Variants in GDF11 observed in about 807,000 individuals in gnomAD.
GDF11 encodes growth differentiation factor 11.
In GDF11, 12 loss-of-function variants were observed where a neutral mutation model predicts 34.4. The ratio of observed to expected loss-of-function variants is 0.35; its 90% CI spans 0.22 to 0.57. The LOEUF (loss-of-function observed/expected upper bound fraction) is 0.57. GDF11 is among the 20% of genes least tolerant of loss of function. The pLI is 0.86. For synonymous variants in GDF11, 212 were observed against 231.1 expected, an observed-to-expected ratio of 0.92 and a Z score of 0.75; for missense variants, 346 against 548.2, an observed-to-expected ratio of 0.63 and a Z score of 3.68.
rs1592547730 is a variant in GDF11, at chr12:55,752,512, G to C, written c.*2630G>C. The C allele has an allele frequency of 6.6e-6, 1 of 152,282 alleles. No homozygotes were observed. Among genetic ancestry groups the C allele is most frequent in the East Asian group, 1.9e-4 (1 of 5,188 alleles). 9.4% of individuals were successfully genotyped at this position (152,282 alleles called of 1,614,324 possible). On this transcript the variant is annotated 3_prime_UTR_variant, in exon 3 of 3. Coordinates refer to ENST00000257868, the MANE Select transcript of GDF11 (RefSeq NM_005811.5). ...GGGGCACAGCTCAGCAACCCAGTGG[G>C]AGTTAGCACCCCCTCCCACCTTATG...
rs77827308 is a variant in GDF11 at position 55,749,720 on chromosome 12, G to C, written c.1062G>C (p.Pro354=). The change falls in exon 3 of 3, where the codon CCG becomes CCC. Residue 354 remains proline, a synonymous_variant. Transcript: ENST00000257868. The surrounding 1 kb of genome is among the most constrained non-coding windows in gnomAD (Gnocchi z 5.6). ...QCEYMFMQKY[P]HTHLVQQANP... is the part of the protein sequence containing the mutation. ...AGTACATGTTCATGCAAAAATATCC[G>C]CATACCCATTTGGTGCAGCAGGCCA... The C allele has an allele frequency of 6.7e-5, 108 of 1,614,020 alleles. No individual in the cohort carries two copies. In the African/African-American group the frequency reaches 1.3e-3, roughly 20 times the overall value.
intron 1 of GDF11, among the ~76,000 whole-genome samples, chr12:55,747,790 A>G (rs1878215766): frequency 6.6e-6 from 1 of 152,210 alleles, no homozygotes; most frequent in Non-Finnish European, 1.5e-5. Flanking sequence ...AGGGGAGAAA[A>G]AAGGCATTGT....
Position 55,756,692 on chromosome 12 carries a change from C to G in GDF11, c.*6810C>G, listed in dbSNP as rs1057443729. The G allele has an allele frequency of 4.6e-5, 7 of 152,216 alleles. No homozygotes were observed. Among genetic ancestry groups the G allele is most frequent in the African/African-American group, 1.7e-4 (7 of 41,462 alleles). 9.4% of individuals were successfully genotyped at this position (152,216 alleles called of 1,614,324 possible). A position where few individuals can be genotyped will look rare whatever the true frequency, so the allele number is the denominator to read the frequency against. ...CATGAACTTGAAGCCTCCAGTTCCACTGCTTATGTTCCCAATGATTTAGCT... is the reference window on the plus strand; with the variant it reads ...CATGAACTTGAAGCCTCCAGTTCCAGTGCTTATGTTCCCAATGATTTAGCT... On this transcript the variant is annotated 3_prime_UTR_variant, in exon 3 of 3. Coordinates refer to ENST00000257868, the MANE Select transcript of GDF11 (RefSeq NM_005811.5).
In GDF11 at chr12:55,749,845, TC is replaced by T; in HGVS notation, c.1190del (p.Pro397LeufsTer86). 1 of 1,613,900 alleles carries T rather than the reference TC, an allele frequency of 6.2e-7. No individual in the cohort carries two copies. The highest frequency in any genetic ancestry group is 8.5e-7 in the Non-Finnish European group (1 of 1,179,962). On this transcript the variant is annotated frameshift_variant, in exon 3 of 3. Coordinates refer to ENST00000257868, the MANE Select transcript of GDF11 (RefSeq NM_005811.5). LOFTEE classifies it high-confidence loss of function. This position sits in a 1 kb window ranked among gnomAD's most constrained non-coding sequence, Gnocchi z 5.6. The stretch of plus-strand genomic sequence containing the variant: ...AAGCAGCAGATTATCTACGGCAAGA[TC>T]CCTGGCATGGTGGTGGATCGCTGTG... ...NDKQQIIYGK[I>X]PGMVVDRCGC...
rs747782536 is a variant in GDF11 at position 55,749,904 on chromosome 12, C to T, written c.*22C>T. 6.3e-7 allele frequency: 1 copy of T among 1,582,834 alleles called. No homozygotes were observed. The highest frequency in any genetic ancestry group is 8.6e-7 in the Non-Finnish European group (1 of 1,160,796). On this transcript the variant is annotated 3_prime_UTR_variant, in exon 3 of 3. Transcript: ENST00000257868. This position sits in a 1 kb window ranked among gnomAD's most constrained non-coding sequence, Gnocchi z 5.6. ...TTAAGGTGGGGGATAGAGGATGCCTCCCCCACAGACCCTACCCCAAGACCC... is the reference window on the plus strand; with the variant it reads ...TTAAGGTGGGGGATAGAGGATGCCTTCCCCACAGACCCTACCCCAAGACCC...
rs1290129406 is a variant in GDF11 at position 55,753,249 on chromosome 12, C to CTA, written c.*3369_*3370dup. 1 of 152,206 alleles carries CTA rather than the reference C, an allele frequency of 6.6e-6. No homozygotes were observed. Among genetic ancestry groups the CTA allele is most frequent in the East Asian group, 1.9e-4 (1 of 5,200 alleles). The allele number at this position is 152,206 out of a possible 1,614,324, so 9.4% of individuals were successfully genotyped here. A position where few individuals can be genotyped will look rare whatever the true frequency, so the allele number is the denominator to read the frequency against. ...CTCTTGAGATGATCCAGCTAGTGTC[C>CTA]TATTCTCCTGCAGTCCCTGTTCCTA... On this transcript the variant is annotated 3_prime_UTR_variant, in exon 3 of 3. Transcript: ENST00000257868.
Position 55,749,581 on chromosome 12 carries a change from C to T in GDF11, c.923C>T (p.Ser308Leu). 1.2e-6 allele frequency: 2 copies of T among 1,614,144 alleles called. No individual in the cohort carries two copies. The highest frequency in any genetic ancestry group is 1.7e-6 in the Non-Finnish European group (2 of 1,180,014). ...RNLGLDCDEH[S>L]SESRCCRYPL... ...CTGGGTCTGGACTGCGACGAGCACT[C>T]AAGCGAGTCCCGCTGCTGCCGATAT... Residue 308 changes from serine to leucine, a missense_variant, in exon 3 of 3, where the codon TCA (serine) becomes TTA (leucine). Physicochemically the swap from Ser to Leu is moderately radical, Grantham distance 145. Around this residue, in one of 3 missense-constraint regions of GDF11, gnomAD observed 205 missense variants for 311.3 expected, o/e 0.66. Coordinates refer to ENST00000257868, the MANE Select transcript of GDF11 (RefSeq NM_005811.5). The surrounding 1 kb of genome is among the most constrained non-coding windows in gnomAD (Gnocchi z 5.6).
chr12:55,748,626 C>A lies in GDF11; in HGVS notation c.486C>A (p.Cys162Ter). 1 of 1,614,048 alleles carries A rather than the reference C, an allele frequency of 6.2e-7. No individual in the cohort carries two copies. Among genetic ancestry groups the A allele is most frequent in the Non-Finnish European group, 8.5e-7 (1 of 1,179,928 alleles). The change falls in exon 2 of 3, where the codon TGC becomes TGA. Residue 162 changes from cysteine (C) to a stop codon, truncating the protein, a stop_gained. Coordinates refer to ENST00000257868, the MANE Select transcript of GDF11 (RefSeq NM_005811.5). LOFTEE classifies it high-confidence loss of function. This position sits in a 1 kb window ranked among gnomAD's most constrained non-coding sequence, Gnocchi z 5.6. Reference protein sequence around the residue: ...AVQTDGSPLCCHFHFSPKVMF... With the variant: ...AVQTDGSPLC Reference sequence around the variant, plus strand: ...AGACAGATGGCAGCCCTCTCTGCTGCCATTTTCACTTCAGCCCCAAGGTGA... The same window carrying A: ...AGACAGATGGCAGCCCTCTCTGCTGACATTTTCACTTCAGCCCCAAGGTGA...
Position 55,749,542 on chromosome 12 carries a change from G to A in GDF11, c.884G>A (p.Arg295His). 6.2e-7 allele frequency: 1 copy of A among 1,613,348 alleles called. No individual in the cohort carries two copies. The highest frequency in any genetic ancestry group is 8.5e-7 in the Non-Finnish European group (1 of 1,179,474). Residue 295 changes from arginine to histidine, a missense_variant, in exon 3 of 3, where the codon CGT becomes CAT. This residue lies in a region of GDF11 where 205 missense variants were observed against 311.3 expected (regional missense o/e 0.66). Coordinates refer to ENST00000257868, the MANE Select transcript of GDF11 (RefSeq NM_005811.5). This position sits in a 1 kb window ranked among gnomAD's most constrained non-coding sequence, Gnocchi z 5.6. The stretch of plus-strand genomic sequence containing the variant: ...CTTCGAGTCCTAGAGAACACAAAAC[G>A]TTCCCGGCGGAACCTGGGTCTGGAC... ...MELRVLENTK[R>H]SRRNLGLDCD...
chr12:55,756,246 T>G lies in GDF11; in HGVS notation c.*6364T>G, dbSNP rs1313000625. On this transcript the variant is annotated 3_prime_UTR_variant, in exon 3 of 3. Coordinates refer to ENST00000257868, the MANE Select transcript of GDF11 (RefSeq NM_005811.5). The stretch of plus-strand genomic sequence containing the variant: ...GAGGTGTCAAAAATTTAACCAGCAT[T>G]CCCTTTTGTTCACTTCTCCAAAGTC... The G allele has an allele frequency of 6.6e-6, 1 of 152,188 alleles. No individual in the cohort carries two copies. The highest frequency in any genetic ancestry group is 2.4e-5 in the African/African-American group (1 of 41,452). 9.4% of individuals were successfully genotyped at this position (152,188 alleles called of 1,614,324 possible).
chr12:55,747,567 C>T (rs962019922), intron 1 of GDF11, among the ~76,000 whole-genome samples: 2 of 152,076 alleles, frequency 1.3e-5, no homozygotes, highest in Admixed American at 1.3e-4. Context: ...CCAATGGAGA[C>T]ATGTTGTAGG....
rs1465594710 is a variant in GDF11 at position 55,756,844 on chromosome 12, A to G, written c.*6962A>G. 1 of 152,216 alleles carries G rather than the reference A, an allele frequency of 6.6e-6. No individual in the cohort carries two copies. The highest frequency in any genetic ancestry group is 2.4e-5 in the African/African-American group (1 of 41,450). 9.4% of individuals were successfully genotyped at this position (152,216 alleles called of 1,614,324 possible). A position where few individuals can be genotyped will look rare whatever the true frequency, so the allele number is the denominator to read the frequency against. ...TGACTGACCAACATAGTATCGTATC[A>G]CATCACCCTTGAAATCAGGGCCCTT... On this transcript the variant is annotated 3_prime_UTR_variant, in exon 3 of 3. Transcript: ENST00000257868.
In GDF11 at chr12:55,749,624, T is replaced by A; in HGVS notation, c.966T>A (p.Phe322Leu). 2 of 1,613,944 alleles carry A rather than the reference T, an allele frequency of 1.2e-6. No homozygotes were observed. Among genetic ancestry groups the A allele is most frequent in the Non-Finnish European group, 1.7e-6 (2 of 1,179,852 alleles). The part of the protein sequence containing the change: ...RCCRYPLTVD[F>L]EAFGWDWIIA... Reference sequence around the variant, plus strand: ...GCCGATATCCCCTCACAGTGGACTTTGAGGCTTTCGGCTGGGACTGGATCA... The same window carrying A: ...GCCGATATCCCCTCACAGTGGACTTAGAGGCTTTCGGCTGGGACTGGATCA... Residue 322 changes from phenylalanine (F) to leucine (L), a missense_variant, in exon 3 of 3, where the codon TTT (phenylalanine) becomes TTA (leucine). Phe to Leu is a conservative substitution (Grantham distance 22, BLOSUM62 0). Coordinates refer to ENST00000257868, the MANE Select transcript of GDF11 (RefSeq NM_005811.5). This position sits in a 1 kb window ranked among gnomAD's most constrained non-coding sequence, Gnocchi z 5.6.
chr12:55,749,901 C>G lies in GDF11; in HGVS notation c.*19C>G. On this transcript the variant is annotated 3_prime_UTR_variant, in exon 3 of 3. Coordinates refer to ENST00000257868, the MANE Select transcript of GDF11 (RefSeq NM_005811.5). This position sits in a 1 kb window ranked among gnomAD's most constrained non-coding sequence, Gnocchi z 5.6. Reference sequence around the variant, plus strand: ...CTCTTAAGGTGGGGGATAGAGGATGCCTCCCCCACAGACCCTACCCCAAGA... The same window carrying G: ...CTCTTAAGGTGGGGGATAGAGGATGGCTCCCCCACAGACCCTACCCCAAGA... 6.3e-7 allele frequency: 1 copy of G among 1,591,894 alleles called. No homozygotes were observed. The highest frequency in any genetic ancestry group is 1.3e-5 in the African/African-American group (1 of 74,734).
chr12:55,755,020 G>T lies in GDF11; in HGVS notation c.*5138G>T, dbSNP rs1592549552. On this transcript the variant is annotated 3_prime_UTR_variant, in exon 3 of 3. Coordinates refer to ENST00000257868, the MANE Select transcript of GDF11 (RefSeq NM_005811.5). ...AAGAATCTGGAAAGATGTGAAACCT[G>T]TAATTTTAAATCCCTTTGGAAGGGA... The T allele has an allele frequency of 6.6e-6, 1 of 152,324 alleles. No homozygotes were observed. Among genetic ancestry groups the T allele is most frequent in the East Asian group, 1.9e-4 (1 of 5,190 alleles). 9.4% of individuals were successfully genotyped at this position (152,324 alleles called of 1,614,324 possible).
chr12:55,749,535 A>G lies in GDF11; in HGVS notation c.877A>G (p.Thr293Ala). 1.9e-6 allele frequency: 3 copies of G among 1,613,238 alleles called. No homozygotes were observed. The highest frequency in any genetic ancestry group is 2.5e-6 in the Non-Finnish European group (3 of 1,179,338). Residue 293 changes from threonine to alanine, a missense_variant, in exon 3 of 3, where the codon ACA (threonine) becomes GCA (alanine). By Grantham distance (58) the Thr-to-Ala change is moderately conservative. Around this residue, in one of 3 missense-constraint regions of GDF11, gnomAD observed 205 missense variants for 311.3 expected, o/e 0.66. Coordinates refer to ENST00000257868, the MANE Select transcript of GDF11 (RefSeq NM_005811.5). The surrounding 1 kb of genome is among the most constrained non-coding windows in gnomAD (Gnocchi z 5.6). ...PFMELRVLEN[T>A]KRSRRNLGLD... ...CATGGAGCTTCGAGTCCTAGAGAAC[A>G]CAAAACGTTCCCGGCGGAACCTGGG...
At position 55,750,109 on chromosome 12, in the gene GDF11, T is replaced by C. The variant is rs781026437; in HGVS notation, c.*227T>C. 75 of 537,670 alleles carry C rather than the reference T, an allele frequency of 1.4e-4. No individual in the cohort carries two copies. The highest frequency in any genetic ancestry group is 2.2e-4 in the Non-Finnish European group (67 of 301,798). 33.3% of individuals were successfully genotyped at this position (537,670 alleles called of 1,614,324 possible). A position where few individuals can be genotyped will look rare whatever the true frequency, so the allele number is the denominator to read the frequency against. On this transcript the variant is annotated 3_prime_UTR_variant, in exon 3 of 3. Transcript: ENST00000257868. ...AGTCAGGGTGGGGAGTGTTTGAAGTTTGCAGATGAGAAGGTTTGACAAAAA... is the reference window on the plus strand; with the variant it reads ...AGTCAGGGTGGGGAGTGTTTGAAGTCTGCAGATGAGAAGGTTTGACAAAAA...
rs532326811 is a variant in GDF11 at position 55,743,448 on chromosome 12, G to A, written c.132G>A (p.Gly44=). The A allele has an allele frequency of 5.6e-6, 7 of 1,254,386 alleles. No individual in the cohort carries two copies. The highest frequency in any genetic ancestry group is 5.1e-5 in the South Asian group (2 of 39,344). The allele number at this position is 1,254,386 out of a possible 1,614,324, so 77.7% of individuals were successfully genotyped here. ...AAAAAAAAGV[G]GERSSRPAPS... ...CGGCGGCGGCAGCGGCGGGGGTCGGGGGGGAGCGCTCCAGCCGGCCAGCCC... is the reference window on the plus strand; with the variant it reads ...CGGCGGCGGCAGCGGCGGGGGTCGGAGGGGAGCGCTCCAGCCGGCCAGCCC... Residue 44 remains glycine (G), a synonymous_variant, in exon 1 of 3, where the codon GGG becomes GGA. Coordinates refer to ENST00000257868, the MANE Select transcript of GDF11 (RefSeq NM_005811.5).
rs1195145952 is a variant in GDF11, at chr12:55,749,676, T to C, written c.1018T>C (p.Tyr340His). 6.2e-7 allele frequency: 1 copy of C among 1,614,044 alleles called. No individual in the cohort carries two copies. Among genetic ancestry groups the C allele is most frequent in the Non-Finnish European group, 8.5e-7 (1 of 1,180,034 alleles). Residue 340 changes from tyrosine (Y) to histidine (H), a missense_variant, in exon 3 of 3, where the codon TAC (tyrosine) becomes CAC (histidine). Tyr to His is a moderately conservative substitution (Grantham distance 83). Transcript: ENST00000257868. This position sits in a 1 kb window ranked among gnomAD's most constrained non-coding sequence, Gnocchi z 5.6. ...IIAPKRYKAN[Y>H]CSGQCEYMFM... Reference sequence around the variant, plus strand: ...CGCACCTAAGCGCTACAAGGCCAACTACTGCTCCGGCCAGTGCGAGTACAT... The same window carrying C: ...CGCACCTAAGCGCTACAAGGCCAACCACTGCTCCGGCCAGTGCGAGTACAT...
Sources: allele counts gnomAD v4.1 joint callset (sites outside exome capture counted in the v4.1 genomes callset), GRCh38; gene constraint gnomAD v4.1.1; regional missense constraint gnomAD v4.1.1; non-coding constraint Gnocchi (gnomAD v3.1); transcripts MANE v1.5; gene names NCBI Gene and HGNC (gene_info 2026-07-23, HGNC 2026-07-21).